Variants in TYW1B observed in about 807,000 individuals in gnomAD.
The protein encoded by TYW1B is S-adenosyl-L-methionine-dependent tRNA 4-demethylwyosine synthase TYW1B.
A neutral mutation model predicts 86.9 loss-of-function variants in TYW1B; 73 were observed. The observed-to-expected ratio is 0.84, with a 90% confidence interval of 0.70 to 1.02. The LOEUF is 1.02. TYW1B is among the 50% of genes least tolerant of loss of function. The pLI, the probability that TYW1B is intolerant of heterozygous loss-of-function variation, is 0.00. For missense variants in TYW1B, 637 were observed against 827.4 expected (o/e 0.77, Z 2.82); for synonymous variants, 248 against 292.8 (o/e 0.85, Z 1.56).
intron 12 of TYW1B, among the ~76,000 whole-genome samples, chr7:72,626,697 T>C (rs1812357388): frequency 6.6e-6 from 1 of 152,070 alleles, no homozygotes; most frequent in Non-Finnish European, 1.5e-5. Context: ...CAAAACGTTT[T>C]ATTGGTTCTA....
chr7:72,692,749 C>A (rs1316063891), intron 11 of TYW1B, among the ~76,000 whole-genome samples: 2 of 152,022 alleles, frequency 1.3e-5, no homozygotes, highest in Non-Finnish European at 2.9e-5. Flanking sequence ...AGGAGGTGCA[C>A]AGAATTTCTA....
At position 72,694,750 on chromosome 7, in the gene TYW1B, G is replaced by A. The variant is rs782353530; in HGVS notation, c.1443C>T (p.Asp481=). 1.2e-6 allele frequency: 2 copies of A among 1,613,800 alleles called. No individual in the cohort carries two copies. The highest frequency in any genetic ancestry group is 1.7e-6 in the Non-Finnish European group (2 of 1,179,968). Residue 481 remains aspartate, a synonymous_variant, in exon 11 of 14, where the codon GAC becomes GAT. Transcript: ENST00000620995. ...GCCAGAAATCCTTGAAGAGTGGGCG[G>A]TCGATTTTCTTCAGGCTGTCTTTGG... ...ASTKDSLKKI[D]RPLFKDFWQQ... is the part of the protein sequence containing the mutation.
intron 10 of TYW1B, among the ~76,000 whole-genome samples, chr7:72,704,577 T>C (rs1344115271): frequency 6.7e-6 from 1 of 148,758 alleles, no homozygotes; most frequent in African/African-American, 2.5e-5. Context: ...AATGGGACCC[T>C]GTCTCTGAAG....
chr7:72,632,412 CATATATATATAAAATATATATATACGT>C (rs1563038818), intron 11 of TYW1B, among the ~76,000 whole-genome samples: 3 of 80,722 alleles, frequency 3.7e-5, no homozygotes, highest in African/African-American at 2.0e-4. Context: ...TATATATATA[CATATATATATAAAATATATATATACGT>C]ATATATATAA....
rs56806378 is a variant in TYW1B at position 72,734,268 on chromosome 7, A to AAAAC, written c.1083-5338_1083-5337insGTTT. On this transcript the variant is annotated intron_variant, in intron 8 of 13. Coordinates refer to ENST00000620995, the MANE Select transcript of TYW1B (RefSeq NM_001145440.3). ...TTAAAACTCCATCTCAAAAAAAAAAAACACAACAAAAAAACTATAAACCTA... is the reference window on the plus strand; with the variant it reads ...TTAAAACTCCATCTCAAAAAAAAAAAAAACACACAACAAAAAAACTATAAACCTA... 5.2e-4 allele frequency among the ~76,000 whole-genome samples: 51 copies of AAAAC among 98,160 alleles called. 8 individuals carry two copies. Among genetic ancestry groups the AAAAC allele is most frequent in the Admixed American group, 1.3e-3 (11 of 8,542 alleles). 64.4% of individuals were successfully genotyped at this position (98,160 alleles called of 152,430 possible). A position where few individuals can be genotyped will look rare whatever the true frequency, so the allele number is the denominator to read the frequency against.
chr7:72,744,119 AAAAAG>A (rs1369614091), intron 8 of TYW1B, among the ~76,000 whole-genome samples: 2 of 152,272 alleles, frequency 1.3e-5, no homozygotes, highest in Admixed American at 6.5e-5. Context: ...TAGATAGAAA[AAAAAG>A]AAAACAATGT....
intron 8 of TYW1B, among the ~76,000 whole-genome samples, chr7:72,744,203 CTATT>C (rs1177081567): frequency 1.1e-4 from 17 of 152,116 alleles, no homozygotes; most frequent in African/African-American, 3.4e-4. Context: ...TAATGTATCA[CTATT>C]TATCGATAAT....
At chr7:72,679,703 T>A (rs181271582) in intron 11 of TYW1B, among the ~76,000 whole-genome samples, 26 of 152,236 alleles carry the variant, frequency 1.7e-4, no homozygotes, top group Admixed American at 3.9e-4. Flanking sequence ...TTTTTATTTT[T>A]AAAAAAATGG....
chr7:72,716,126 A>G (rs1440768063), intron 9 of TYW1B, among the ~76,000 whole-genome samples: 1 of 152,110 alleles, frequency 6.6e-6, no homozygotes, highest in African/African-American at 2.4e-5. Flanking sequence ...TTTAGTAGAG[A>G]TGGGGTTTCA....
rs1563038541 is a variant in TYW1B at position 72,632,346 on chromosome 7, T to TACG, written c.1507-3350_1507-3349insCGT. Among the ~76,000 whole-genome samples the TACG allele has an allele frequency of 1.6e-3, 169 of 103,566 alleles. 7 individuals carry two copies. Among genetic ancestry groups the TACG allele is most frequent in the African/African-American group, 7.2e-3 (157 of 21,656 alleles). 67.9% of individuals were successfully genotyped at this position (103,566 alleles called of 152,430 possible). A position where few individuals can be genotyped will look rare whatever the true frequency, so the allele number is the denominator to read the frequency against. On this transcript the variant is annotated intron_variant, in intron 11 of 13. Transcript: ENST00000620995. Reference sequence around the variant, plus strand: ...TTATATATATATACACGTATATATATTATATATATTATATATATACGCATA... The same window carrying TACG: ...TTATATATATATACACGTATATATATACGTATATATATTATATATATACGCATA...
At chr7:72,602,428 A>T (rs1554433922) in intron 13 of TYW1B, among the ~76,000 whole-genome samples, 2 of 152,182 alleles carry the variant, frequency 1.3e-5, no homozygotes, top group Non-Finnish European at 2.9e-5. Context: ...ATATAGGTAT[A>T]GACAGAAATA....
chr7:72,721,226 T>C (rs1350349258), intron 9 of TYW1B, among the ~76,000 whole-genome samples: 1 of 152,214 alleles, frequency 6.6e-6, no homozygotes, highest in African/African-American at 2.4e-5. Context: ...TGTGTCTTTA[T>C]AACAGCATGA....
At chr7:72,600,233 C>A (rs1554433458) in intron 13 of TYW1B, among the ~76,000 whole-genome samples, 3 of 152,138 alleles carry the variant, frequency 2.0e-5, no homozygotes, top group Non-Finnish European at 4.4e-5. Flanking sequence ...ACAGTCAACT[C>A]ATCTTTGACA....
chr7:72,626,152 G>C (rs1231308277), intron 12 of TYW1B, among the ~76,000 whole-genome samples: 4 of 151,522 alleles, frequency 2.6e-5, no homozygotes, highest in Admixed American at 2.6e-4. Context: ...GCAATTTCAA[G>C]AGTGTCTTCA....
intron 11 of TYW1B, among the ~76,000 whole-genome samples, chr7:72,680,469 A>G (rs1813848105): frequency 6.6e-6 from 1 of 152,182 alleles, no homozygotes; most frequent in Non-Finnish European, 1.5e-5. Context: ...TCTTGGACTT[A>G]CACCAGTGGT....
chr7:72,683,066 G>A (rs1428749229), intron 11 of TYW1B, among the ~76,000 whole-genome samples: 1 of 152,164 alleles, frequency 6.6e-6, no homozygotes, highest in Non-Finnish European at 1.5e-5. Flanking sequence ...CAGGAGAACC[G>A]ATTTAACCAG....
At chr7:72,745,418 T>A (rs568817742) in intron 7 of TYW1B, among the ~76,000 whole-genome samples, 47 of 152,226 alleles carry the variant, frequency 3.1e-4, no homozygotes, top group African/African-American at 1.1e-3. Flanking sequence ...CACTATTTGA[T>A]GATGCAAGGG....
intron 13 of TYW1B, among the ~76,000 whole-genome samples, chr7:72,612,913 G>A (rs1198943588): frequency 6.6e-6 from 1 of 151,916 alleles, no homozygotes; most frequent in Non-Finnish European, 1.5e-5. Flanking sequence ...TCACACCCAG[G>A]AAATTTTTCT....
At chr7:72,788,485 C>T (rs1272799799) in intron 6 of TYW1B, among the ~76,000 whole-genome samples, 3 of 152,288 alleles carry the variant, frequency 2.0e-5, no homozygotes, top group African/African-American at 2.4e-5. Context: ...CCCAAATCTT[C>T]GAAGCCAAAA....
Sources: allele counts gnomAD v4.1 joint callset (sites outside exome capture counted in the v4.1 genomes callset), GRCh38; gene constraint gnomAD v4.1.1; transcripts MANE v1.5; gene names NCBI Gene and HGNC (gene_info 2026-07-23, HGNC 2026-07-21).